Variants in TEX13A observed in about 807,000 individuals in gnomAD.
TEX13A encodes testis expressed 13A.
Under a neutral mutation model 7.1 loss-of-function variants are expected in TEX13A, and 8 were observed. The ratio of observed to expected loss-of-function variants is 1.12; its 90% CI spans 0.66 to 2.03. The LOEUF (loss-of-function observed/expected upper bound fraction) is 2.03, where lower values mean the gene tolerates loss of function less well. Ranked by LOEUF, TEX13A falls within the 30% of genes most tolerant of loss-of-function variation. TEX13A has a pLI of 0.00. For missense variants in TEX13A, 362 were observed against 332.2 expected (o/e 1.09, Z -0.70); for synonymous variants, 151 against 134.2 (o/e 1.13, Z -0.87).
intron 2 of TEX13A, 45 bp downstream of exon 2, chrX:105,219,918 G>A: frequency 2.6e-6 from 3 of 1,136,373 alleles, no homozygotes; most frequent in Non-Finnish European, 2.4e-6. Context: ...TACTGGGCAG[G>A]GACCAGTTGA....
At position 105,220,332 on chromosome X, in the gene TEX13A, G is replaced by C; in HGVS notation, c.66C>G (p.Asn22Lys). The C allele has an allele frequency of 8.3e-7, 1 of 1,207,903 alleles. No individual in the cohort carries two copies. The highest frequency in any genetic ancestry group is 1.1e-6 in the Non-Finnish European group (1 of 893,309). ...FRHSNVVAFINEKMARHTKGP... is the reference protein window; with the variant it reads ...FRHSNVVAFIKEKMARHTKGP... Reference sequence around the variant, plus strand: ...CTTTCGTGTGCCTGGCCATTTTCTCGTTGATGAAGGCCACCACGTTGCTAT... The same window carrying C: ...CTTTCGTGTGCCTGGCCATTTTCTCCTTGATGAAGGCCACCACGTTGCTAT... The change falls in exon 2 of 3, where the codon AAC becomes AAG. Residue 22 changes from asparagine to lysine, a missense_variant. Transcript: ENST00000600991.
At position 105,219,942 on chromosome X, in the gene TEX13A, A is replaced by G. The variant is rs782379050; in HGVS notation, c.435+21T>C. ...GGGACCAGTTGAGGGATCTTACTGC[A>G]TGGAGCGGCTTCCAACTCACCTTGT... is the stretch of plus-strand genomic sequence containing the variant. On this transcript the variant is annotated intron_variant, in intron 2 of 2. Coordinates refer to ENST00000600991, the MANE Select transcript of TEX13A (RefSeq NM_031274.5). 1.5e-5 allele frequency: 18 copies of G among 1,178,968 alleles called. No individual in the cohort carries two copies. In the African/African-American group the frequency reaches 2.1e-4, roughly 14 times the overall value.
Position 105,220,403 on chromosome X carries a change from C to T in TEX13A, c.-6G>A. The T allele has an allele frequency of 8.5e-7, 1 of 1,173,822 alleles. No homozygotes were observed. The highest frequency in any genetic ancestry group is 1.8e-5 in the African/African-American group (1 of 57,006). On this transcript the variant is annotated 5_prime_UTR_variant, in exon 2 of 3. Coordinates refer to ENST00000600991, the MANE Select transcript of TEX13A (RefSeq NM_031274.5). ...TCCTCAGGTCTCAAGGCCATGATCG[C>T]CTAGGGGTTTAACGGTTTCACTAGC...
At position 105,220,355 on chromosome X, in the gene TEX13A, T is replaced by C. The variant is rs1463973875; in HGVS notation, c.43A>G (p.Ser15Gly). Residue 15 changes from serine to glycine, a missense_variant, in exon 2 of 3, where the codon AGC (serine) becomes GGC (glycine). Transcript: ENST00000600991. ...PEDPSSGFRH[S>G]NVVAFINEKM... ...TCGTTGATGAAGGCCACCACGTTGC[T>C]ATGCCGGAACCCGCTACTGGGGTCC... 8.3e-6 allele frequency: 10 copies of C among 1,200,791 alleles called. No individual in the cohort carries two copies. The highest frequency in any genetic ancestry group is 3.6e-5 in the South Asian group (2 of 55,143).
chrX:105,219,783 G>C, intron 2 of TEX13A, 25 bp from the exon 3 acceptor site: 1 of 1,179,043 alleles, frequency 8.5e-7, no homozygotes. Flanking sequence ...GCAGGGCTGA[G>C]GTGTGTTCTG....
chrX:105,220,227 G>T lies in TEX13A; in HGVS notation c.171C>A (p.Ser57Arg), dbSNP rs782590107. 5 of 1,211,517 alleles carry T rather than the reference G, an allele frequency of 4.1e-6. No homozygotes were observed. Among genetic ancestry groups the T allele is most frequent in the Middle Eastern group, 2.3e-4 (1 of 4,350 alleles). The change falls in exon 2 of 3, where the codon AGC (serine) becomes AGA (arginine). Residue 57 changes from serine to arginine, a missense_variant. Ser to Arg is a moderately radical substitution (Grantham distance 110). Transcript: ENST00000600991. Reference sequence around the variant, plus strand: ...CCTCTTTGACCTCACTGGGCACCTCGCTGTCCTCCAGTATGGCCCTCAGCT... The same window carrying T: ...CCTCTTTGACCTCACTGGGCACCTCTCTGTCCTCCAGTATGGCCCTCAGCT... ...EDKLRAILED[S>R]EVPSEVKEAC...
rs782135886 is a variant in TEX13A, at chrX:105,219,255, G to A, written c.939C>T (p.Asp313=). The change falls in exon 3 of 3, where the codon GAC becomes GAT. Residue 313 remains aspartate, a synonymous_variant. Transcript: ENST00000600991. ...CTTGTGGAGGGGATATAGTGGGTAT[G>A]TCTGAGAAGGAGGAAAAAGGGCTTG... ...SYSSPFSSFS[D]IPTISPPQAT... The A allele has an allele frequency of 2.5e-6, 3 of 1,211,055 alleles. No homozygotes were observed. Among genetic ancestry groups the A allele is most frequent in the East Asian group, 5.9e-5 (2 of 33,794 alleles).
chrX:105,219,127 T>C lies in TEX13A; in HGVS notation c.1067A>G (p.Glu356Gly). The C allele has an allele frequency of 8.3e-7, 1 of 1,211,250 alleles. No homozygotes were observed. Among genetic ancestry groups the C allele is most frequent in the Non-Finnish European group, 1.1e-6 (1 of 895,342 alleles). Residue 356 changes from glutamate to glycine, a missense_variant, in exon 3 of 3, where the codon GAG (glutamate) becomes GGG (glycine). Glu to Gly is a moderately conservative substitution (Grantham distance 98, BLOSUM62 -2). Transcript: ENST00000600991. ...DGGPHRIDHQ[E>G]HPRDRRYSEP... is the part of the protein sequence containing the mutation. ...GGAGTATCTCCTGTCTCTTGGGTGC[T>C]CCTGATGGTCTATTCTGTGGGGCCC...
rs1452461898 is a variant in TEX13A at position 105,220,582 on chromosome X, C to T, written c.-33+13G>A. On this transcript the variant is annotated intron_variant, in intron 1 of 2. Transcript: ENST00000600991. ...GCTTGTCCTACCCTAGGACACCTCC[C>T]ACCAGGCCTCACCTCTTCAGCCAGG... The T allele has an allele frequency of 5.3e-6, 2 of 378,924 alleles. No individual in the cohort carries two copies. Among genetic ancestry groups the T allele is most frequent in the Non-Finnish European group, 8.9e-6 (2 of 224,009 alleles). The allele number at this position is 378,924 out of a possible 1,213,427, so 31.2% of individuals were successfully genotyped here.
Position 105,219,438 on chromosome X carries a change from A to C in TEX13A, c.756T>G (p.Ala252=). The change falls in exon 3 of 3, where the codon GCT becomes GCG. Residue 252 remains alanine, a synonymous_variant. Coordinates refer to ENST00000600991, the MANE Select transcript of TEX13A (RefSeq NM_031274.5). The part of the protein sequence containing the change: ...ERILLQLLGD[A]DQEKYTYWGQ... ...CCCAATAGGTGTACTTTTCCTGATC[A>C]GCATCTCCAAGGAGCTGCAGGAGGA... is the stretch of plus-strand genomic sequence containing the variant. 1.7e-6 allele frequency: 2 copies of C among 1,209,384 alleles called. No homozygotes were observed. Among genetic ancestry groups the C allele is most frequent in the Non-Finnish European group, 1.1e-6 (1 of 894,653 alleles).
Position 105,220,031 on chromosome X carries a change from T to C in TEX13A, c.367A>G (p.Lys123Glu). 1 of 1,211,248 alleles carries C rather than the reference T, an allele frequency of 8.3e-7. No homozygotes were observed. Among genetic ancestry groups the C allele is most frequent in the African/African-American group, 1.7e-5 (1 of 57,914 alleles). Residue 123 changes from lysine to glutamate, a missense_variant, in exon 2 of 3, where the codon AAG (lysine) becomes GAG (glutamate). Coordinates refer to ENST00000600991, the MANE Select transcript of TEX13A (RefSeq NM_031274.5). ...ATTCTTAGCCGGGAGGCCGCCTCCT[T>C]GCGTTCCGTCTCCTGCTGCTCCCTG... ...KLREQQETER[K>E]EAASRLRMAQ... is the part of the protein sequence containing the mutation.
At position 105,219,705 on chromosome X, in the gene TEX13A, G is replaced by A; in HGVS notation, c.489C>T (p.Ala163=). Residue 163 remains alanine, a synonymous_variant, in exon 3 of 3, where the codon GCC becomes GCT. Transcript: ENST00000600991. ...CTTCTGTGCAAACCCCTCCGGCAGTGGCCAGGCCTGGCCACCCTGCCCCCT... is the reference window on the plus strand; with the variant it reads ...CTTCTGTGCAAACCCCTCCGGCAGTAGCCAGGCCTGGCCACCCTGCCCCCT... ...WEQGAGWPGL[A]TAGGVCTEGA... The A allele has an allele frequency of 8.3e-7, 1 of 1,208,313 alleles. No individual in the cohort carries two copies.
rs1060551 is a variant in TEX13A, at chrX:105,219,150, C to T, written c.1044G>A (p.Gly348=). 2.9e-4 allele frequency: 347 copies of T among 1,208,668 alleles called. No individual in the cohort carries two copies. Among genetic ancestry groups the T allele is most frequent in the African/African-American group, 6.5e-4 (37 of 56,834 alleles). The part of the protein sequence containing the change: ...AFDTSLWSDG[G]PHRIDHQEHP... ...GCTCCTGATGGTCTATTCTGTGGGG[C>T]CCCCCATCAGACCACAGGCTAGTAT... is the stretch of plus-strand genomic sequence containing the variant. Residue 348 remains glycine (G), a synonymous_variant, in exon 3 of 3, where the codon GGG becomes GGA. Coordinates refer to ENST00000600991, the MANE Select transcript of TEX13A (RefSeq NM_031274.5).
Position 105,219,294 on chromosome X carries a change from G to A in TEX13A, c.900C>T (p.Tyr300=), listed in dbSNP as rs1239627442. 23 of 1,208,650 alleles carry A rather than the reference G, an allele frequency of 1.9e-5. No homozygotes were observed. Among genetic ancestry groups the A allele is most frequent in the Non-Finnish European group, 2.6e-5 (23 of 894,357 alleles). ...EPLPVQLPAS[Y]SYSYSSPFSS... is the part of the protein sequence containing the mutation. ...AAAAAGGGCTTGAGTATGAGTATGA[G>A]TATGAGGCAGGGAGCTGGACAGGAA... The change falls in exon 3 of 3, where the codon TAC becomes TAT. Residue 300 remains tyrosine, a synonymous_variant. Coordinates refer to ENST00000600991, the MANE Select transcript of TEX13A (RefSeq NM_031274.5).
Position 105,218,967 on chromosome X carries a change from A to G in TEX13A, c.1227T>C (p.His409=), listed in dbSNP as rs190314896. 1,550 of 1,204,499 alleles carry G rather than the reference A, an allele frequency of 1.3e-3. 2 individuals carry two copies. The highest frequency in any genetic ancestry group is 1.5e-3 in the Non-Finnish European group (1,353 of 891,847). ...GTTCTATTTTGCATTTCTGCACTCA[A>G]TGAGGTTTTTGCAGCCAGATTCCCT... ...CGKGIWLQKP[H] Residue 409 remains histidine, a synonymous_variant, in exon 3 of 3, where the codon CAT becomes CAC. Coordinates refer to ENST00000600991, the MANE Select transcript of TEX13A (RefSeq NM_031274.5).
rs1245997299 is a variant in TEX13A, at chrX:105,220,384, G to C, written c.14C>G (p.Pro5Arg). 1.5e-5 allele frequency: 18 copies of C among 1,185,313 alleles called. No individual in the cohort carries two copies. In the Admixed American group the frequency reaches 3.4e-4, roughly 22 times the overall value. Residue 5 changes from proline (P) to arginine (R), a missense_variant, in exon 2 of 3, where the codon CCT (proline) becomes CGT (arginine). Coordinates refer to ENST00000600991, the MANE Select transcript of TEX13A (RefSeq NM_031274.5). MALR[P>R]EDPSSGFRHS... The stretch of plus-strand genomic sequence containing the variant: ...CCGGAACCCGCTACTGGGGTCCTCA[G>C]GTCTCAAGGCCATGATCGCCTAGGG...
chrX:105,219,542 C>G lies in TEX13A; in HGVS notation c.652G>C (p.Ala218Pro). ...GGGAACTGGGTCTCCATGGGGGCAG[C>G]CCCAGCCTCCACAGGGGGAGCCATG... is the stretch of plus-strand genomic sequence containing the variant. ...EAMAPPVEAG[A>P]APMETQFPHV... The change falls in exon 3 of 3, where the codon GCT becomes CCT. Residue 218 changes from alanine to proline, a missense_variant. By Grantham distance (27) the Ala-to-Pro change is conservative (BLOSUM62 -1). Transcript: ENST00000600991. The G allele has an allele frequency of 1.7e-6, 2 of 1,208,886 alleles. No homozygotes were observed. Among genetic ancestry groups the G allele is most frequent in the Non-Finnish European group, 2.2e-6 (2 of 894,952 alleles).
rs1396890739 is a variant in TEX13A at position 105,220,314 on chromosome X, G to A, written c.84C>T (p.His28=). The change falls in exon 2 of 3, where the codon CAC becomes CAT. Residue 28 remains histidine (H), a synonymous_variant. Coordinates refer to ENST00000600991, the MANE Select transcript of TEX13A (RefSeq NM_031274.5). Reference sequence around the variant, plus strand: ...CAAGATAGAACTCGGGGCCTTTCGTGTGCCTGGCCATTTTCTCGTTGATGA... The same window carrying A: ...CAAGATAGAACTCGGGGCCTTTCGTATGCCTGGCCATTTTCTCGTTGATGA... ...VAFINEKMAR[H]TKGPEFYLEN... is the part of the protein sequence containing the mutation. The A allele has an allele frequency of 8.3e-7, 1 of 1,207,763 alleles. No homozygotes were observed. Among genetic ancestry groups the A allele is most frequent in the Non-Finnish European group, 1.1e-6 (1 of 893,971 alleles).
chrX:105,219,583 GC>G lies in TEX13A; in HGVS notation c.610del (p.Ala204LeufsTer149). 1.7e-6 allele frequency: 2 copies of G among 1,209,944 alleles called. No homozygotes were observed. Among genetic ancestry groups the G allele is most frequent in the South Asian group, 3.5e-5 (2 of 56,941 alleles). ...EEEQRDVEVV[A>X]APVEAMAPPV... ...GGGAGCCATGGCCTCCACAGGGGCA[GC>G]CACAACCTCCACATCCCTCTGCTCT... On this transcript the variant is annotated frameshift_variant, in exon 3 of 3. Coordinates refer to ENST00000600991, the MANE Select transcript of TEX13A (RefSeq NM_031274.5). LOFTEE classifies it low-confidence loss of function (END_TRUNC).
Sources: gnomAD v4.1 joint callset for allele counts on GRCh38, gnomAD v4.1.1 for gene constraint, MANE v1.5 for transcripts, NCBI Gene and HGNC (gene_info 2026-07-23, HGNC 2026-07-21) for gene names.